SAMSN1: variants seen among roughly 807,000 people sequenced by gnomAD.
SAMSN1 encodes SAM domain, SH3 domain and nuclear localization signals 1, also known as SAM domain-containing protein SAMSN-1.
Under a neutral mutation model 42.0 loss-of-function variants are expected in SAMSN1, and 31 were observed. The observed-to-expected ratio is 0.74, with a 90% CI of 0.55 to 1.00. SAMSN1 has a LOEUF of 1.00. Among genes scored for constraint, SAMSN1 ranks in the 50% least tolerant of loss-of-function variants. SAMSN1 has a pLI of 0.00. For synonymous variants in SAMSN1, 178 were observed against 151.9 expected, an observed-to-expected ratio of 1.17 and a Z score of -1.26; for missense variants, 464 against 439.4, an observed-to-expected ratio of 1.06 and a Z score of -0.50.
At chr21:14,586,818 A>G (rs76503635), upstream of SAMSN1, among the ~76,000 whole-genome samples, 1,090 of 152,370 alleles carry the variant, frequency 7.2e-3, 18 homozygotes, top group African/African-American at 0.023. Flanking sequence ...GTCAGAAAGA[A>G]TATTTCACCT....
chr21:14,574,613 ATGCTACAT>A (rs1379986240), intron 2 of SAMSN1, among the ~76,000 whole-genome samples: 1 of 152,194 alleles, frequency 6.6e-6, no homozygotes. Flanking sequence ...ACTGGTTTGA[ATGCTACAT>A]TGCTGTGTCT....
chr21:14,517,600 G>A (rs1413911825), intron 2 of SAMSN1, among the ~76,000 whole-genome samples: 2 of 151,702 alleles, frequency 1.3e-5, no homozygotes, highest in South Asian at 2.1e-4. Context: ...TCCCATATTC[G>A]CAAGCAATAG....
rs768966593 is a variant in SAMSN1, at chr21:14,558,096, T to G, written c.261+24040A>C. Among the ~76,000 whole-genome samples, 9 of 152,314 alleles carry G rather than the reference T, an allele frequency of 5.9e-5. No homozygotes were observed. The South Asian group carries it at 6.2e-4, about 11-fold the overall frequency. Reference sequence around the variant, plus strand: ...ATGATTTGTTGTGTTGTTGGTTTATTTTGGTTACTGGAAGGCAGAAATTAG... The same window carrying G: ...ATGATTTGTTGTGTTGTTGGTTTATGTTGGTTACTGGAAGGCAGAAATTAG... On this transcript the variant is annotated intron_variant, in intron 2 of 8. Coordinates refer to the SAMSN1 transcript ENST00000285670.
chr21:14,586,487 G>A (rs1019683646), upstream of SAMSN1, among the ~76,000 whole-genome samples: 1 of 152,018 alleles, frequency 6.6e-6, no homozygotes. Context: ...TTTTATTTGA[G>A]CACCTAGTAA....
intron 2 of SAMSN1, chr21:14,616,023 A>G: frequency 3.4e-6 from 2 of 589,022 alleles, no homozygotes; most frequent in Non-Finnish European, 6.2e-6. Flanking sequence ...CTCCCTGTAA[A>G]ATAAAATAAA....
intron 1 of SAMSN1, among the ~76,000 whole-genome samples, chr21:14,657,884 C>G (rs1358519831): frequency 2.0e-5 from 3 of 151,754 alleles, no homozygotes; most frequent in Non-Finnish European, 4.4e-5. Context: ...TTAGGTATTA[C>G]AACGTATGTC....
At chr21:14,647,746 C>A (rs375661279) in intron 1 of SAMSN1, among the ~76,000 whole-genome samples, 12,318 of 133,000 alleles carry the variant, frequency 0.093, 660 homozygotes, top group Admixed American at 0.19. Context: ...CTCTTTGAAG[C>A]AATTGTGAAT....
At position 14,529,698 on chromosome 21, in the gene SAMSN1, C is replaced by T. The variant is rs141295111; in HGVS notation, c.58-8477G>A. On this transcript the variant is annotated intron_variant, in intron 1 of 7. Transcript: ENST00000400566. ...GAATCCTGTTCAAATGAAAGATACACAAATATAGAATCAATTCCTATAAGC... is the reference window on the plus strand; with the variant it reads ...GAATCCTGTTCAAATGAAAGATACATAAATATAGAATCAATTCCTATAAGC... Among the ~76,000 whole-genome samples the T allele has an allele frequency of 4.2e-4, 64 of 152,180 alleles. 1 individual carries two copies. In the East Asian group the frequency reaches 0.011, roughly 27 times the overall value.
chr21:14,573,356 C>T (rs1219161366), intron 2 of SAMSN1, among the ~76,000 whole-genome samples: 1 of 152,100 alleles, frequency 6.6e-6, no homozygotes, highest in African/African-American at 2.4e-5. Flanking sequence ...GTGAGAGCTC[C>T]TGAGAATGAA....
chr21:14,525,480 C>T (rs1423678031), intron 1 of SAMSN1, among the ~76,000 whole-genome samples: 2 of 152,064 alleles, frequency 1.3e-5, no homozygotes, highest in Non-Finnish European at 2.9e-5. Flanking sequence ...AACTGAGAGA[C>T]TTCAGAAACA....
At chr21:14,613,356 G>GCCTTT (rs1434678671) in intron 3 of SAMSN1, among the ~76,000 whole-genome samples, 1 of 152,084 alleles carries the variant, frequency 6.6e-6, no homozygotes, top group African/African-American at 2.4e-5. Context: ...AGGCTGATGG[G>GCCTTT]CAACTTTATG....
intron 2 of SAMSN1, chr21:14,619,699 GATAAA>G (rs1270977932): frequency 6.4e-6 from 2 of 314,458 alleles, no homozygotes; most frequent in Admixed American, 8.5e-5. Flanking sequence ...AGATTAGCAA[GATAAA>G]ATAATACACA....
upstream of SAMSN1, among the ~76,000 whole-genome samples, chr21:14,584,727 T>C (rs968943947): frequency 6.6e-6 from 1 of 152,228 alleles, no homozygotes; most frequent in Non-Finnish European, 1.5e-5. Context: ...TTCTTTCCAT[T>C]GAACAGCTGA....
chr21:14,601,019 G>C (rs80243062), intron 6 of SAMSN1, among the ~76,000 whole-genome samples: 2,319 of 152,296 alleles, frequency 0.015, 38 homozygotes, highest in South Asian at 0.073. Context: ...AAAGTACTGA[G>C]ATATTTTTTA....
At chr21:14,495,157 A>T (rs555454506) in intron 7 of SAMSN1, among the ~76,000 whole-genome samples, 1 of 152,244 alleles carries the variant, frequency 6.6e-6, no homozygotes, top group African/African-American at 2.4e-5. Flanking sequence ...GTTTAACGTG[A>T]CATGCATTTG....
intron 5 of SAMSN1, among the ~76,000 whole-genome samples, chr21:14,603,849 G>T (rs1335331929): frequency 2.6e-5 from 4 of 152,192 alleles, no homozygotes; most frequent in South Asian, 2.1e-4. Flanking sequence ...AGTAGCCATG[G>T]CTCTGAGCTC....
chr21:14,504,584 C>G (rs1406758278), intron 5 of SAMSN1, among the ~76,000 whole-genome samples: 3 of 152,046 alleles, frequency 2.0e-5, no homozygotes, highest in Non-Finnish European at 4.4e-5. Flanking sequence ...ATGAACAAAG[C>G]CTCCAAGAAG....
Position 14,487,985 on chromosome 21 carries a change from C to G in SAMSN1, c.920-1871G>C, listed in dbSNP as rs566565842. Among the ~76,000 whole-genome samples the G allele has an allele frequency of 9.9e-5, 15 of 152,062 alleles. No homozygotes were observed. In the East Asian group the frequency reaches 1.9e-3, roughly 20 times the overall value. On this transcript the variant is annotated intron_variant, in intron 7 of 7. Transcript: ENST00000400566. ...TCTTTCTGAGTATCAGTCATTCACTCTTCTTTCTAAGCCCTTTTTTTTAAT... is the reference window on the plus strand; with the variant it reads ...TCTTTCTGAGTATCAGTCATTCACTGTTCTTTCTAAGCCCTTTTTTTTAAT...
intron 6 of SAMSN1, among the ~76,000 whole-genome samples, chr21:14,598,967 A>C (rs963302652): frequency 6.6e-6 from 1 of 152,180 alleles, no homozygotes; most frequent in Admixed American, 6.5e-5. Flanking sequence ...TATCATCTTC[A>C]TAATAGGGAA....
Sources: gnomAD v4.1 joint callset for allele counts (sites outside exome capture counted in the v4.1 genomes callset) on GRCh38, gnomAD v4.1.1 for gene constraint, MANE v1.5 for transcripts, NCBI Gene and HGNC (gene_info 2026-07-23, HGNC 2026-07-21) for gene names.